ZNF385D: variants seen among roughly 807,000 people sequenced by gnomAD.
The protein encoded by ZNF385D is zinc finger protein 385D.
ZNF385D carries 15 observed loss-of-function variants against 35.8 expected under a neutral mutation model. The ratio of observed to expected loss-of-function variants is 0.42; its 90% CI spans 0.28 to 0.64. The LOEUF is 0.64. Ranked by LOEUF, ZNF385D falls within the 30% of genes least tolerant of loss-of-function variation. The pLI, the probability that ZNF385D is intolerant of heterozygous loss-of-function variation, is 0.23. For missense variants in ZNF385D, 474 were observed against 494.6 expected (o/e 0.96, Z 0.39); for synonymous variants, 212 against 186.8 (o/e 1.13, Z -1.10).
intron 2 of ZNF385D, among the ~76,000 whole-genome samples, chr3:22,242,550 T>G (rs1270515453): frequency 6.6e-6 from 1 of 151,000 alleles, no homozygotes; most frequent in African/African-American, 2.5e-5. Flanking sequence ...ACGGATAGTT[T>G]ACAAAACACC....
chr3:22,295,625 A>G (rs573850195), intron 2 of ZNF385D, among the ~76,000 whole-genome samples: 115 of 152,292 alleles, frequency 7.6e-4, no homozygotes, highest in African/African-American at 2.5e-3. Flanking sequence ...TGAACTAGGT[A>G]AATGAGGTGG....
chr3:21,656,747 T>C (rs1048124250), intron 2 of ZNF385D, among the ~76,000 whole-genome samples: 1 of 151,958 alleles, frequency 6.6e-6, no homozygotes, highest in Non-Finnish European at 1.5e-5. Context: ...TTGCTAGCCA[T>C]GAAACTGGAC....
intron 3 of ZNF385D, among the ~76,000 whole-genome samples, chr3:21,787,225 G>A (rs576867749): frequency 2.0e-5 from 3 of 152,138 alleles, no homozygotes; most frequent in South Asian, 2.1e-4. Flanking sequence ...TCCTCTAATC[G>A]CTCAATGATA....
intron 3 of ZNF385D, among the ~76,000 whole-genome samples, chr3:21,817,907 A>G (rs1379335475): frequency 2.0e-5 from 3 of 152,220 alleles, no homozygotes; most frequent in Non-Finnish European, 2.9e-5. Context: ...TACTCACAAT[A>G]GCAAAGACTT....
At chr3:21,771,420 A>T (rs1032906960) in intron 3 of ZNF385D, among the ~76,000 whole-genome samples, 1 of 151,948 alleles carries the variant, frequency 6.6e-6, no homozygotes, top group South Asian at 2.1e-4. Context: ...TTAAATGTCC[A>T]GTTTTTAGCA....
At chr3:21,564,749 C>A in intron 2 of ZNF385D, 65 bp from the exon 3 acceptor site, 1 of 1,049,854 alleles carries the variant, frequency 9.5e-7, no homozygotes. Flanking sequence ...TGGAATTTTG[C>A]CTATTTCATT....
chr3:21,650,344 C>G (rs1460153845), intron 2 of ZNF385D, among the ~76,000 whole-genome samples: 1 of 151,472 alleles, frequency 6.6e-6, no homozygotes, highest in Non-Finnish European at 1.5e-5. Flanking sequence ...TTTTTTTCTT[C>G]AAGTTGTTCT....
At chr3:22,184,231 C>T (rs1388555) in intron 2 of ZNF385D, among the ~76,000 whole-genome samples, 18,912 of 152,120 alleles carry the variant, frequency 0.12, 1,545 homozygotes, top group Middle Eastern at 0.24. Context: ...TATTCCCTTC[C>T]AATGCAATAA....
chr3:21,711,275 T>C (rs944497546), intron 1 of ZNF385D, among the ~76,000 whole-genome samples: 2 of 151,862 alleles, frequency 1.3e-5, no homozygotes, highest in East Asian at 3.9e-4. Context: ...TCTCCTGACC[T>C]CGTGATCCAC....
chr3:21,962,428 G>A (rs1012855142), intron 3 of ZNF385D, among the ~76,000 whole-genome samples: 2 of 152,212 alleles, frequency 1.3e-5, no homozygotes, highest in Non-Finnish European at 2.9e-5. Context: ...TTTTGGAAAT[G>A]TTAACCTTGA....
intron 2 of ZNF385D, among the ~76,000 whole-genome samples, chr3:21,644,641 A>C (rs1005300952): frequency 6.6e-6 from 1 of 152,206 alleles, no homozygotes; most frequent in African/African-American, 2.4e-5. Flanking sequence ...TACCTGCTGT[A>C]TATTCCAGGA....
intron 2 of ZNF385D, among the ~76,000 whole-genome samples, chr3:22,343,702 T>C (rs1023953984): frequency 6.6e-6 from 1 of 152,230 alleles, no homozygotes; most frequent in Non-Finnish European, 1.5e-5. Flanking sequence ...ATTTCCATCC[T>C]GATTAAGCCT....
chr3:22,137,493 C>T (rs962721181), intron 3 of ZNF385D, among the ~76,000 whole-genome samples: 3 of 152,120 alleles, frequency 2.0e-5, no homozygotes, highest in Admixed American at 1.3e-4. Flanking sequence ...GGGCTTCATC[C>T]CTGGGATGCA....
rs148778965 is a variant in ZNF385D at position 21,726,400 on chromosome 3, G to A, written c.22+24495C>T. 7.7e-3 allele frequency among the ~76,000 whole-genome samples: 1,176 copies of A among 152,126 alleles called. 18 individuals carry two copies. The highest frequency in any genetic ancestry group is 0.026 in the African/African-American group (1,069 of 41,502). On this transcript the variant is annotated intron_variant, in intron 1 of 7. Transcript: ENST00000281523. ...AAGAAGTCAAATTATCTCTGTTTGC[G>A]GATGACATGATCGTATATTTAGAAA...
chr3:21,973,279 A>G (rs1162895222), intron 3 of ZNF385D, among the ~76,000 whole-genome samples: 3 of 152,046 alleles, frequency 2.0e-5, no homozygotes, highest in South Asian at 2.1e-4. Flanking sequence ...AAGTCAATCA[A>G]TGTGATATCT....
At chr3:21,575,557 C>G (rs778590536) in intron 2 of ZNF385D, among the ~76,000 whole-genome samples, 1 of 152,178 alleles carries the variant, frequency 6.6e-6, no homozygotes, top group Non-Finnish European at 1.5e-5. Context: ...TGCACTTCCT[C>G]TAACTTGAAA....
chr3:22,012,710 A>G (rs79673189), intron 3 of ZNF385D, among the ~76,000 whole-genome samples: 1 of 152,154 alleles, frequency 6.6e-6, no homozygotes, highest in African/African-American at 2.4e-5. Flanking sequence ...GGGAAACTTC[A>G]TGAGTTCCCA....
intron 3 of ZNF385D, among the ~76,000 whole-genome samples, chr3:21,824,420 A>T (rs1694467003): frequency 6.7e-6 from 1 of 149,774 alleles, no homozygotes; most frequent in Admixed American, 6.7e-5. Context: ...ATAATAAAAA[A>T]CAAAATCTTC....
intron 4 of ZNF385D, among the ~76,000 whole-genome samples, chr3:21,497,305 A>G (rs1705979324): frequency 6.6e-6 from 1 of 152,194 alleles, no homozygotes; most frequent in Non-Finnish European, 1.5e-5. Context: ...CACAACAGTC[A>G]AGAAAAGAAT....
Sources: gnomAD v4.1 joint callset for allele counts (sites outside exome capture counted in the v4.1 genomes callset) on GRCh38, gnomAD v4.1.1 for gene constraint, MANE v1.5 for transcripts, NCBI Gene and HGNC (gene_info 2026-07-23, HGNC 2026-07-21) for gene names.